Variants in XYLB observed in about 807,000 individuals in gnomAD.
The protein encoded by XYLB is xylulokinase.
A neutral mutation model predicts 78.7 loss-of-function variants in XYLB; 62 were observed. That is an observed-to-expected ratio of 0.79 (90% CI 0.64 to 0.97). The LOEUF is 0.97. Among genes scored for constraint, XYLB ranks in the 50% least tolerant of loss-of-function variants. The pLI is 0.00. For missense variants in XYLB, 687 were observed against 676.8 expected, an observed-to-expected ratio of 1.02 and a Z score of -0.17; for synonymous variants, 245 against 247.4, an observed-to-expected ratio of 0.99 and a Z score of 0.09.
chr3:38,366,592 A>G (rs1575474193), intron 6 of XYLB, among the ~76,000 whole-genome samples: 1 of 152,374 alleles, frequency 6.6e-6, no homozygotes, highest in East Asian at 1.9e-4. Context: ...TGTGTTGCCC[A>G]GGCTGGACTC....
chr3:38,394,503 T>C (rs994983703), intron 15 of XYLB, among the ~76,000 whole-genome samples: 2 of 152,244 alleles, frequency 1.3e-5, no homozygotes, highest in South Asian at 2.1e-4. Flanking sequence ...TCAATACTTA[T>C]ATATTTTAGT....
downstream of XYLB, among the ~76,000 whole-genome samples, chr3:38,419,291 C>A (rs776875230): frequency 8.5e-5 from 13 of 152,058 alleles, no homozygotes; most frequent in Non-Finnish European, 1.9e-4. Flanking sequence ...TTATATACCA[C>A]ATCCTGTTTA....
chr3:38,426,212 A>G (rs1294300625), downstream of XYLB, among the ~76,000 whole-genome samples: 2 of 152,244 alleles, frequency 1.3e-5, no homozygotes, highest in African/African-American at 4.8e-5. Flanking sequence ...TGGAATTCCC[A>G]AACTAATATA....
Position 38,409,372 on chromosome 3 carries a change from T to C in XYLB, c.1534-3564T>C, listed in dbSNP as rs191188284. Among the ~76,000 whole-genome samples the C allele has an allele frequency of 4.3e-3, 655 of 152,340 alleles. 6 individuals carry two copies. Among genetic ancestry groups the C allele is most frequent in the Non-Finnish European group, 3.7e-3 (252 of 68,028 alleles). On this transcript the variant is annotated intron_variant, in intron 18 of 18. Coordinates refer to ENST00000207870, the MANE Select transcript of XYLB (RefSeq NM_005108.4). ...TAAAAACTCTCAATAAATTAGGTAT[T>C]GATGGGACATATCTCAAAATAATAA...
the XYLB span, among the ~76,000 whole-genome samples, chr3:38,439,735 C>T: frequency 1.3e-5 from 2 of 149,000 alleles, no homozygotes; most frequent in African/African-American, 5.0e-5. Context: ...GCACTCTGGC[C>T]TGGGTGAAAC....
the XYLB span, among the ~76,000 whole-genome samples, chr3:38,430,398 G>A: frequency 2.0e-5 from 3 of 152,010 alleles, no homozygotes; most frequent in Non-Finnish European, 4.4e-5. Flanking sequence ...TTTTTGATGG[G>A]GTTGTTTGAT....
intron 15 of XYLB, among the ~76,000 whole-genome samples, chr3:38,380,876 A>C (rs1421957689): frequency 1.3e-5 from 2 of 152,248 alleles, no homozygotes; most frequent in East Asian, 3.8e-4. Flanking sequence ...TCAGTGATCC[A>C]CAATGAAATG....
intron 15 of XYLB, among the ~76,000 whole-genome samples, chr3:38,384,032 T>C (rs1559599815): frequency 6.6e-6 from 1 of 152,136 alleles, no homozygotes; most frequent in South Asian, 2.1e-4. Flanking sequence ...GAGGGTGTTC[T>C]TGTTTTTTTT....
the XYLB span, among the ~76,000 whole-genome samples, chr3:38,441,167 G>A: frequency 6.6e-6 from 1 of 152,298 alleles, no homozygotes; most frequent in African/African-American, 2.4e-5. Flanking sequence ...GATATTTAAT[G>A]GGGGTTCCCC....
At chr3:38,401,589 G>A (rs1397160386) in intron 18 of XYLB, among the ~76,000 whole-genome samples, 3 of 152,160 alleles carry the variant, frequency 2.0e-5, no homozygotes, top group Admixed American at 6.5e-5. Context: ...AGAAAGCTCC[G>A]AAGCTGAGAT....
chr3:38,384,039 TTTTG>T (rs1049745680), intron 15 of XYLB, among the ~76,000 whole-genome samples: 1 of 152,094 alleles, frequency 6.6e-6, no homozygotes, highest in Non-Finnish European at 1.5e-5. Flanking sequence ...TTCTTGTTTT[TTTTG>T]TTTGTTTGTT....
At chr3:38,347,311 G>C (rs1356431678) in intron 1 of XYLB, among the ~76,000 whole-genome samples, 1 of 152,250 alleles carries the variant, frequency 6.6e-6, no homozygotes, top group South Asian at 2.1e-4. Flanking sequence ...CAGGGGAACA[G>C]ACAGGCGGGT....
intron 16 of XYLB, 29 bp downstream of exon 16, chr3:38,395,592 T>C (rs1044025718): frequency 6.2e-7 from 1 of 1,606,840 alleles, no homozygotes; most frequent in Non-Finnish European, 8.5e-7. Context: ...CCTTACACCA[T>C]GGCCTCTCCC....
the XYLB span, among the ~76,000 whole-genome samples, chr3:38,433,785 T>C: frequency 6.6e-6 from 1 of 152,152 alleles, no homozygotes; most frequent in Non-Finnish European, 1.5e-5. Context: ...TTTCCCACAT[T>C]TTCGTGTCTG....
intron 2 of XYLB, among the ~76,000 whole-genome samples, chr3:38,351,836 C>T (rs981794033): frequency 6.6e-6 from 1 of 152,214 alleles, no homozygotes; most frequent in African/African-American, 2.4e-5. Flanking sequence ...CATGTTGCTA[C>T]ATGTGGCAAT....
rs1425247486 is a variant in XYLB at position 38,375,196 on chromosome 3, C to T, written c.941C>T (p.Pro314Leu). 6.2e-7 allele frequency: 1 copy of T among 1,614,106 alleles called. No homozygotes were observed. Among genetic ancestry groups the T allele is most frequent in the African/African-American group, 1.3e-5 (1 of 74,938 alleles). The change falls in exon 12 of 19, where the codon CCT (proline) becomes CTT (leucine). Residue 314 changes from proline to leucine, a missense_variant. Coordinates refer to ENST00000207870, the MANE Select transcript of XYLB (RefSeq NM_005108.4). ...TLFLWLQEPMPALEGHIFCNP... is the reference protein window; with the variant it reads ...TLFLWLQEPMLALEGHIFCNP... ...TTTCTCTGGCTCCAAGAGCCCATGC[C>T]TGCCCTGGAAGGCCACATCTTCTGC...
At chr3:38,351,881 T>C (rs188903523) in intron 2 of XYLB, among the ~76,000 whole-genome samples, 61 of 152,372 alleles carry the variant, frequency 4.0e-4, no homozygotes, top group Admixed American at 1.6e-3. Context: ...AGTATTTCAT[T>C]GTATGATGTT....
At chr3:38,439,441 G>C in the XYLB span, among the ~76,000 whole-genome samples, 1 of 152,192 alleles carries the variant, frequency 6.6e-6, no homozygotes, top group Admixed American at 6.5e-5. Flanking sequence ...GAGAAGCCAC[G>C]TCACCCAACT....
At position 38,368,273 on chromosome 3, in the gene XYLB, T is replaced by C. The variant is rs1237632595; in HGVS notation, c.646+16T>C. The stretch of plus-strand genomic sequence containing the variant: ...TACAGTGATGGTGAGCCTCGGGGTA[T>C]GGGGTGGGTGCCTGGGCAGTGTGCA... On this transcript the variant is annotated intron_variant, in intron 8 of 18. Coordinates refer to ENST00000207870, the MANE Select transcript of XYLB (RefSeq NM_005108.4). 1 of 1,613,326 alleles carries C rather than the reference T, an allele frequency of 6.2e-7. No homozygotes were observed. The highest frequency in any genetic ancestry group is 1.1e-5 in the South Asian group (1 of 91,066).
Sources: gnomAD v4.1 joint callset for allele counts (sites outside exome capture counted in the v4.1 genomes callset) on GRCh38, gnomAD v4.1.1 for gene constraint, MANE v1.5 for transcripts, NCBI Gene and HGNC (gene_info 2026-07-23, HGNC 2026-07-21) for gene names.